The following STARD13 variants were observed in gnomAD, a reference collection of about 807,000 sequenced individuals.
The protein encoded by STARD13 is stAR-related lipid transfer protein 13.
In STARD13, 62 loss-of-function variants were observed where a neutral mutation model predicts 106.4. The observed-to-expected ratio is 0.58, with a 90% confidence interval of 0.48 to 0.72. The LOEUF (loss-of-function observed/expected upper bound fraction) is 0.72. STARD13 is among the 30% of genes least tolerant of loss of function. The pLI is 0.00. For synonymous variants in STARD13, 565 were observed against 553.0 expected (o/e 1.02, Z -0.31); for missense variants, 1,387 against 1,424.0 (o/e 0.97, Z 0.42).
chr13:33,439,853 C>T, the STARD13 span: 1 of 384,098 alleles, frequency 2.6e-6, no homozygotes, highest in Non-Finnish European at 4.8e-6. Flanking sequence ...AAATAAAATG[C>T]CAACTGAGGC....
chr13:33,640,376 T>A, the STARD13 span, among the ~76,000 whole-genome samples: 1 of 152,178 alleles, frequency 6.6e-6, no homozygotes, highest in Admixed American at 6.5e-5. Context: ...TAACTTCTAA[T>A]AGGCCATGTA....
At chr13:33,518,498 A>T in the STARD13 span, among the ~76,000 whole-genome samples, 1 of 152,108 alleles carries the variant, frequency 6.6e-6, no homozygotes, top group Non-Finnish European at 1.5e-5. Context: ...CAGCAAAATG[A>T]TTTGAAAACT....
the STARD13 span, among the ~76,000 whole-genome samples, chr13:33,606,251 A>G: frequency 6.6e-6 from 1 of 152,180 alleles, no homozygotes; most frequent in South Asian, 2.1e-4. Flanking sequence ...CAGTGAGCCA[A>G]GATCGCACCA....
At chr13:33,357,755 C>T in the STARD13 span, among the ~76,000 whole-genome samples, 2 of 152,166 alleles carry the variant, frequency 1.3e-5, no homozygotes, top group South Asian at 4.1e-4. Flanking sequence ...ACATATGAAA[C>T]CCCATCTCTA....
chr13:33,401,213 A>AG, the STARD13 span, among the ~76,000 whole-genome samples: 1 of 152,322 alleles, frequency 6.6e-6, no homozygotes, highest in African/African-American at 2.4e-5. Flanking sequence ...AGATTTGTTT[A>AG]GTTTTGAATT....
chr13:33,378,417 C>G, the STARD13 span, among the ~76,000 whole-genome samples: 1 of 152,222 alleles, frequency 6.6e-6, no homozygotes, highest in Non-Finnish European at 1.5e-5. Context: ...GGAGCCCCAT[C>G]TCCTCCACTA....
the STARD13 span, among the ~76,000 whole-genome samples, chr13:33,657,651 C>T: frequency 4.9e-4 from 74 of 152,272 alleles, no homozygotes; most frequent in African/African-American, 1.7e-3. Context: ...TATAAACTTC[C>T]TTTAGTGTCA....
At chr13:33,388,137 G>A in the STARD13 span, among the ~76,000 whole-genome samples, 7 of 152,190 alleles carry the variant, frequency 4.6e-5, no homozygotes, top group Non-Finnish European at 8.8e-5. Context: ...CACCAGAGGC[G>A]TTAAAATTAG....
At chr13:33,499,606 T>C in the STARD13 span, among the ~76,000 whole-genome samples, 1,529 of 56,162 alleles carry the variant, frequency 0.027, 43 homozygotes, top group Middle Eastern at 0.045. Flanking sequence ...TCTTCTTCTT[T>C]CTTCTTCTTC....
rs1260011862 is a variant in STARD13, at chr13:33,103,215, TATCA to T, written c.*2374_*2377del. 1.3e-5 allele frequency: 2 copies of T among 152,680 alleles called. No individual in the cohort carries two copies. Among genetic ancestry groups the T allele is most frequent in the African/African-American group, 4.8e-5 (2 of 41,470 alleles). The allele number at this position is 152,680 out of a possible 1,614,324, so 9.5% of individuals were successfully genotyped here. A position where few individuals can be genotyped will look rare whatever the true frequency, so the allele number is the denominator to read the frequency against. On this transcript the variant is annotated 3_prime_UTR_variant, in exon 14 of 14. Coordinates refer to ENST00000336934, the MANE Select transcript of STARD13 (RefSeq NM_178006.4). Reference sequence around the variant, plus strand: ...TTATTTATTTACAATTGATGATTGATATCAACAATTGAGGTAAAAATATACATGA... The same window carrying T: ...TTATTTATTTACAATTGATGATTGATACAATTGAGGTAAAAATATACATGA...
chr13:33,316,692 A>C (rs978607578), intron 1 of STARD13, among the ~76,000 whole-genome samples: 2 of 152,142 alleles, frequency 1.3e-5, no homozygotes, highest in African/African-American at 4.8e-5. Context: ...ATCTCCAATT[A>C]TATGCTTTAA....
intron 7 of STARD13, 27 bp downstream of exon 7, chr13:33,126,054 G>T (rs188921806): frequency 1.2e-6 from 2 of 1,609,990 alleles, no homozygotes; most frequent in Non-Finnish European, 8.5e-7. Context: ...GGGTGGTGGG[G>T]CAGCAGCGGG....
In STARD13 at chr13:33,276,490, A is replaced by G. The variant is rs1379813828; in HGVS notation, c.169+8980T>C. On this transcript the variant is annotated intron_variant, in intron 1 of 13. Coordinates refer to ENST00000336934, the MANE Select transcript of STARD13 (RefSeq NM_178006.4). ...TTCTTATTTCTTATAATAATTTTAC[A>G]TATTATACATAATTTCAGGGTGGTA... Among the ~76,000 whole-genome samples the G allele has an allele frequency of 2.0e-5, 3 of 152,326 alleles. 1 individual carries two copies. In the East Asian group the frequency reaches 5.8e-4, roughly 29 times the overall value.
chr13:33,129,698 C>T lies in STARD13; in HGVS notation c.979G>A (p.Gly327Ser), dbSNP rs766132072. Reference sequence around the variant, plus strand: ...GGGCTGCTCTCGCCACTCGACTTGCCAGAGCATGGGAGCCCTTTTCTGCAG... The same window carrying T: ...GGGCTGCTCTCGCCACTCGACTTGCTAGAGCATGGGAGCCCTTTTCTGCAG... The part of the protein sequence containing the change: ...PACRKGLPCS[G>S]KSSGESSPSE... The change falls in exon 5 of 14, where the codon GGC becomes AGC. Residue 327 changes from glycine (G) to serine (S), a missense_variant. Coordinates refer to ENST00000336934, the MANE Select transcript of STARD13 (RefSeq NM_178006.4). The T allele has an allele frequency of 6.8e-6, 11 of 1,614,092 alleles. No individual in the cohort carries two copies. In the South Asian group the frequency reaches 1.2e-4, roughly 18 times the overall value.
chr13:33,305,209 A>T (rs2138478217), intron 1 of STARD13, among the ~76,000 whole-genome samples: 1 of 152,314 alleles, frequency 6.6e-6, no homozygotes, highest in Non-Finnish European at 1.5e-5. Context: ...ATGTCAAATT[A>T]ATCAAGACTG....
chr13:33,222,576 T>A (rs2138182484), intron 1 of STARD13, among the ~76,000 whole-genome samples: 1 of 152,308 alleles, frequency 6.6e-6, no homozygotes, highest in Middle Eastern at 3.4e-3. Flanking sequence ...TACATAAGCA[T>A]CCAATATATA....
chr13:33,553,269 TAGG>T, the STARD13 span, among the ~76,000 whole-genome samples: 1 of 152,006 alleles, frequency 6.6e-6, no homozygotes, highest in Non-Finnish European at 1.5e-5. Flanking sequence ...AACACCTAGG[TAGG>T]AGATTAGTCA....
At chr13:33,497,738 A>G in the STARD13 span, among the ~76,000 whole-genome samples, 4 of 152,136 alleles carry the variant, frequency 2.6e-5, no homozygotes, top group Non-Finnish European at 4.4e-5. Flanking sequence ...GCCAAGTACT[A>G]TTGTGTCTTC....
upstream of STARD13, among the ~76,000 whole-genome samples, chr13:33,286,868 A>G (rs549075467): frequency 2.8e-4 from 43 of 152,014 alleles, no homozygotes; most frequent in South Asian, 7.9e-3. Context: ...ATATACGTGT[A>G]TATATATATG....
Sources: gnomAD v4.1 joint callset for allele counts (sites outside exome capture counted in the v4.1 genomes callset) on GRCh38, gnomAD v4.1.1 for gene constraint, MANE v1.5 for transcripts, NCBI Gene and HGNC (gene_info 2026-07-23, HGNC 2026-07-21) for gene names.